CORO7: variants seen among roughly 807,000 people sequenced by gnomAD.
CORO7 encodes coronin-7.
Under a neutral mutation model 126.6 loss-of-function variants are expected in CORO7, and 107 were observed. The observed-to-expected ratio is 0.85, with a 90% CI of 0.72 to 0.99. The LOEUF (loss-of-function observed/expected upper bound fraction) is 0.99. CORO7 is among the 50% of genes least tolerant of loss of function. The pLI is 0.00. For synonymous variants in CORO7, 603 were observed against 536.8 expected, an observed-to-expected ratio of 1.12 and a Z score of -1.70; for missense variants, 1,314 against 1,255.8, an observed-to-expected ratio of 1.05 and a Z score of -0.70.
At chr16:4,388,200 G>C (rs933765249) in intron 8 of CORO7, 132 bp from the exon 9 acceptor site, 20 of 1,142,332 alleles carry the variant, frequency 1.8e-5, no homozygotes, top group Non-Finnish European at 2.5e-5. Context: ...CTTGGAGTGG[G>C]GGTGGGAGTC....
chr16:4,372,304 G>A (rs886860), intron 9 of CORO7, among the ~76,000 whole-genome samples: 99,061 of 152,134 alleles, frequency 0.65, 33,711 homozygotes, highest in East Asian at 0.8. Context: ...TGGGCCTCCG[G>A]CATGACCAGT....
At chr16:4,373,259 C>T (rs2054597244) in intron 9 of CORO7, among the ~76,000 whole-genome samples, 1 of 152,078 alleles carries the variant, frequency 6.6e-6, no homozygotes, top group African/African-American at 2.4e-5. Flanking sequence ...AGCAGCCCAG[C>T]TGGATCCCCT....
rs2053952080 is a variant in CORO7, at chr16:4,355,573, A to G, written c.2686-201T>C. On this transcript the variant is annotated intron_variant, in intron 26 of 27. Coordinates refer to ENST00000251166, the MANE Select transcript of CORO7 (RefSeq NM_024535.5). ...AAGCTCTGCCTCCCGGGTTTACACC[A>G]CTGTCCTGCCTCAGCCTCCCAAGGA... The G allele has an allele frequency of 1.7e-5, 10 of 592,018 alleles. No homozygotes were observed. In the South Asian group the frequency reaches 1.9e-4, roughly 11 times the overall value. 36.7% of individuals were successfully genotyped at this position (592,018 alleles called of 1,614,324 possible).
At chr16:4,381,871 C>T in intron 9 of CORO7, 1 of 1,604,024 alleles carries the variant, frequency 6.2e-7, no homozygotes, top group Non-Finnish European at 8.5e-7. Flanking sequence ...CCACTTCCCG[C>T]CCAAGAACGC....
rs561907183 is a variant in CORO7, at chr16:4,366,595, G to A, written c.786-1050C>T. Among the ~76,000 whole-genome samples, 296 of 148,110 alleles carry A rather than the reference G, an allele frequency of 2.0e-3. 2 individuals carry two copies. Among genetic ancestry groups the A allele is most frequent in the African/African-American group, 6.8e-3 (271 of 39,666 alleles). On this transcript the variant is annotated intron_variant, in intron 9 of 27. Coordinates refer to ENST00000251166, the MANE Select transcript of CORO7 (RefSeq NM_024535.5). ...CTCCCTCTGTCACCCAGGCTGGAGT[G>A]CAGTGGCACAATCATTGCTCACTGC...
At chr16:4,382,821 G>T in intron 9 of CORO7, 1 of 1,597,904 alleles carries the variant, frequency 6.3e-7, no homozygotes, top group South Asian at 1.1e-5. Context: ...TGCCCAGCGG[G>T]TCTGAGTGTG....
At position 4,360,923 on chromosome 16, in the gene CORO7, C is replaced by T; in HGVS notation, c.1917+20G>A. 1 of 1,607,020 alleles carries T rather than the reference C, an allele frequency of 6.2e-7. No homozygotes were observed. The highest frequency in any genetic ancestry group is 8.5e-7 in the Non-Finnish European group (1 of 1,179,444). On this transcript the variant is annotated intron_variant, in intron 19 of 27. Transcript: ENST00000251166. Reference sequence around the variant, plus strand: ...CCCCGCCTCTCCACACTGCTGGCCCCACCTCTGCAGCCGTCCTACCTGGTC... The same window carrying T: ...CCCCGCCTCTCCACACTGCTGGCCCTACCTCTGCAGCCGTCCTACCTGGTC...
chr16:4,378,459 A>AC (rs928003439), intron 9 of CORO7, among the ~76,000 whole-genome samples: 2 of 151,638 alleles, frequency 1.3e-5, no homozygotes, highest in African/African-American at 4.9e-5. Context: ...AGGTGGCCTC[A>AC]CCCCCCATAT....
At chr16:4,363,866 A>G (rs188342593) in intron 14 of CORO7, among the ~76,000 whole-genome samples, 257 of 141,738 alleles carry the variant, frequency 1.8e-3, no homozygotes, top group Middle Eastern at 0.013. Context: ...TAAAAATACA[A>G]AAATTAGCCA....
chr16:4,360,353 C>T lies in CORO7; in HGVS notation c.2033G>A (p.Gly678Glu), dbSNP rs1271381485. ...GCGAGCTCCGCGTCCTCCCTTGGGC[C>T]CTGGGCCTTCCTGTTGAGATACATC... ...SGPEPLQEGP[G>E]PKGGRGARIV... Residue 678 changes from glycine (G) to glutamate (E), a missense_variant, in exon 21 of 28, where the codon GGG becomes GAG. Gly to Glu is a moderately conservative substitution (Grantham distance 98). Transcript: ENST00000251166. 2 of 1,613,646 alleles carry T rather than the reference C, an allele frequency of 1.2e-6. No homozygotes were observed. The highest frequency in any genetic ancestry group is 3.3e-5 in the Admixed American group (2 of 60,026).
At position 4,364,522 on chromosome 16, in the gene CORO7, T is replaced by TG; in HGVS notation, c.1137+74dup. On this transcript the variant is annotated intron_variant, in intron 13 of 27. Coordinates refer to ENST00000251166, the MANE Select transcript of CORO7 (RefSeq NM_024535.5). ...ATGGGGGGCACCCAGCAGGCCAGAC[T>TG]GAGTTGGCACACAGCCACACGGGGC... The TG allele has an allele frequency of 2.7e-6, 4 of 1,504,552 alleles. No individual in the cohort carries two copies. The African/African-American group carries it at 5.5e-5, about 21-fold the overall frequency. The allele number at this position is 1,504,552 out of a possible 1,614,324, so 93.2% of individuals were successfully genotyped here. A position where few individuals can be genotyped will look rare whatever the true frequency, so the allele number is the denominator to read the frequency against.
At chr16:4,367,468 A>T (rs573738562) in intron 9 of CORO7, among the ~76,000 whole-genome samples, 1 of 152,320 alleles carries the variant, frequency 6.6e-6, no homozygotes, top group African/African-American at 2.4e-5. Context: ...CCCAGAGATG[A>T]GTGCAACAGA....
At chr16:4,411,049 T>A (rs2056188695) in intron 3 of CORO7, among the ~76,000 whole-genome samples, 1 of 152,184 alleles carries the variant, frequency 6.6e-6, no homozygotes, top group Non-Finnish European at 1.5e-5. Flanking sequence ...GATGGAAACG[T>A]TCCAAAACTG....
chr16:4,380,750 A>G, intron 9 of CORO7: 2 of 1,169,652 alleles, frequency 1.7e-6, no homozygotes, highest in East Asian at 2.6e-5. Context: ...ACTCATAACC[A>G]TTGGGTTCTC....
intron 6 of CORO7, among the ~76,000 whole-genome samples, chr16:4,397,676 C>T (rs534980306): frequency 1.5e-4 from 23 of 152,038 alleles, no homozygotes; most frequent in African/African-American, 5.1e-4. Context: ...TGCAGTGGCG[C>T]GATCTCGGCT....
rs538517913 is a variant in CORO7, at chr16:4,359,486, G to A, written c.2244C>T (p.Thr748=). 2.6e-5 allele frequency: 42 copies of A among 1,613,514 alleles called. No individual in the cohort carries two copies. Among genetic ancestry groups the A allele is most frequent in the Middle Eastern group, 1.7e-4 (1 of 6,058 alleles). ...YDPDTGLVLL[T]GKGDTRVFLY... ...GCCCTCCAGCCCAGCCCACCTTGCC[G>A]GTCAGGAGCACCAGGCCAGTGTCTG... The change falls in exon 22 of 28, where the codon ACC becomes ACT. Residue 748 remains threonine, a synonymous_variant. Transcript: ENST00000251166.
At chr16:4,390,530 G>A (rs1014514893) in intron 7 of CORO7, among the ~76,000 whole-genome samples, 2 of 152,216 alleles carry the variant, frequency 1.3e-5, no homozygotes, top group Non-Finnish European at 2.9e-5. Flanking sequence ...ACTGGCATCT[G>A]CAAAGAGTTG....
At chr16:4,360,573 G>C (rs1390970719) in intron 19 of CORO7, 25 bp from the exon 20 acceptor site, 4 of 1,570,886 alleles carry the variant, frequency 2.5e-6, no homozygotes, top group Middle Eastern at 1.7e-4. Context: ...GGATATGAGA[G>C]ACAGCCTTGC....
At chr16:4,406,205 G>A (rs2055992138) in intron 5 of CORO7, among the ~76,000 whole-genome samples, 1 of 152,210 alleles carries the variant, frequency 6.6e-6, no homozygotes, top group African/African-American at 2.4e-5. Context: ...TCACCATGTT[G>A]GCCAGGCTGG....
Sources: gnomAD v4.1 joint callset for allele counts (sites outside exome capture counted in the v4.1 genomes callset) on GRCh38, gnomAD v4.1.1 for gene constraint, MANE v1.5 for transcripts, NCBI Gene and HGNC (gene_info 2026-07-23, HGNC 2026-07-21) for gene names.